Variants in SEMA3C observed in about 807,000 individuals in gnomAD.
SEMA3C encodes the protein semaphorin 3C.
SEMA3C carries 47 observed loss-of-function variants against 89.4 expected under a neutral mutation model. The observed-to-expected ratio is 0.53, with a 90% CI of 0.42 to 0.67. The LOEUF is 0.67. Ranked by LOEUF, SEMA3C falls within the 30% of genes least tolerant of loss-of-function variation. The pLI, the probability that SEMA3C is intolerant of heterozygous loss-of-function variation, is 0.00. For missense variants in SEMA3C, 839 were observed against 929.1 expected, an observed-to-expected ratio of 0.90 and a Z score of 1.26; for synonymous variants, 310 against 320.2, an observed-to-expected ratio of 0.97 and a Z score of 0.34.
chr7:80,782,429 G>T (rs899335289), intron 12 of SEMA3C, among the ~76,000 whole-genome samples: 4 of 152,084 alleles, frequency 2.6e-5, no homozygotes, highest in Non-Finnish European at 5.9e-5. Context: ...ACACATCAGG[G>T]ATATTATCAT....
chr7:80,755,052 G>A (rs955824387), intron 15 of SEMA3C, among the ~76,000 whole-genome samples: 1 of 148,428 alleles, frequency 6.7e-6, no homozygotes, highest in Admixed American at 6.9e-5. Flanking sequence ...TGCCTGCTTC[G>A]GCCTCCCAAA....
At chr7:80,779,679 G>C (rs1333292606) in intron 12 of SEMA3C, among the ~76,000 whole-genome samples, 2 of 152,076 alleles carry the variant, frequency 1.3e-5, no homozygotes, top group African/African-American at 2.4e-5. Flanking sequence ...ACACTCTTAG[G>C]TGACCCTTAA....
intron 4 of SEMA3C, among the ~76,000 whole-genome samples, chr7:80,822,450 T>G (rs777048225): frequency 6.7e-6 from 1 of 150,060 alleles, no homozygotes; most frequent in Non-Finnish European, 1.5e-5. Flanking sequence ...AACACAGACA[T>G]GAGAGTGCAG....
rs554975643 is a variant in SEMA3C at position 80,832,505 on chromosome 7, C to T, written c.104-3760G>A. Among the ~76,000 whole-genome samples, 10 of 152,210 alleles carry T rather than the reference C, an allele frequency of 6.6e-5. No individual in the cohort carries two copies. In the South Asian group the frequency reaches 2.1e-3, roughly 32 times the overall value. ...ACCATACTGGCCCCATTCTTCTAGC[C>T]AGTGAGTGTTTTAAATACGGCCATA... On this transcript the variant is annotated intron_variant, in intron 2 of 17. Coordinates refer to ENST00000265361, the MANE Select transcript of SEMA3C (RefSeq NM_006379.5).
chr7:80,814,039 T>C (rs965486284), intron 5 of SEMA3C, among the ~76,000 whole-genome samples: 2 of 151,896 alleles, frequency 1.3e-5, no homozygotes, highest in African/African-American at 4.8e-5. Context: ...AGAACCAACA[T>C]AGTCTTTTTT....
intron 2 of SEMA3C, among the ~76,000 whole-genome samples, chr7:80,867,719 T>TACACACACAC (rs10641992): frequency 0.031 from 4,701 of 149,772 alleles, 157 homozygotes; most frequent in Middle Eastern, 0.093. Context: ...GTATAAATCA[T>TACACACACAC]ACACACACAC....
At position 80,743,229 on chromosome 7, in the gene SEMA3C, G is replaced by T. The variant is rs2117015851; in HGVS notation, c.*1665C>A. 1 of 151,936 alleles carries T rather than the reference G, an allele frequency of 6.6e-6. No individual in the cohort carries two copies. The highest frequency in any genetic ancestry group is 1.5e-5 in the Non-Finnish European group (1 of 67,782). The allele number at this position is 151,936 out of a possible 1,614,324, so 9.4% of individuals were successfully genotyped here. A position where few individuals can be genotyped will look rare whatever the true frequency, so the allele number is the denominator to read the frequency against. On this transcript the variant is annotated 3_prime_UTR_variant, in exon 18 of 18. Coordinates refer to ENST00000265361, the MANE Select transcript of SEMA3C (RefSeq NM_006379.5). ...TGGAACAACAGATTTTTTAAAAAAT[G>T]AAGTTTGGTGTTATGTCAGCATTTT...
At chr7:80,866,852 AG>A (rs1375196050) in intron 2 of SEMA3C, among the ~76,000 whole-genome samples, 2 of 152,210 alleles carry the variant, frequency 1.3e-5, no homozygotes, top group African/African-American at 4.8e-5. Flanking sequence ...TTCCCATAAA[AG>A]GTAAGTTGTT....
At chr7:80,798,063 A>AT (rs1359145073) in intron 11 of SEMA3C, 29 bp downstream of exon 11, 1 of 1,581,042 alleles carries the variant, frequency 6.3e-7, no homozygotes, top group Non-Finnish European at 8.6e-7. Context: ...ATAAAGCATC[A>AT]TAACAAAGAA....
At chr7:80,798,012 A>G (rs1277940885) in intron 11 of SEMA3C, 80 bp downstream of exon 11, 1 of 1,447,308 alleles carries the variant, frequency 6.9e-7, no homozygotes, top group African/African-American at 1.5e-5. Context: ...AAAAACCCCA[A>G]AAAACCCCAC....
intron 9 of SEMA3C, among the ~76,000 whole-genome samples, chr7:80,802,014 A>G (rs1789221000): frequency 6.6e-6 from 1 of 152,170 alleles, no homozygotes; most frequent in South Asian, 2.1e-4. Flanking sequence ...TAATGAATTA[A>G]GGTGAAAGAA....
At chr7:80,870,467 C>T (rs1468252199) in intron 2 of SEMA3C, among the ~76,000 whole-genome samples, 1 of 152,216 alleles carries the variant, frequency 6.6e-6, no homozygotes, top group Non-Finnish European at 1.5e-5. Context: ...TAATTGGGGT[C>T]TCACTGCCAT....
chr7:80,823,774 T>A (rs1484011814), intron 4 of SEMA3C, among the ~76,000 whole-genome samples: 1 of 152,152 alleles, frequency 6.6e-6, no homozygotes, highest in Non-Finnish European at 1.5e-5. Context: ...TCTCCTATAG[T>A]ATTTACATAG....
At chr7:80,772,604 A>G (rs1368046622) in intron 12 of SEMA3C, among the ~76,000 whole-genome samples, 3 of 152,202 alleles carry the variant, frequency 2.0e-5, no homozygotes, top group Non-Finnish European at 4.4e-5. Flanking sequence ...TGTCTCAACA[A>G]AAGCCATCTA....
At chr7:80,758,630 T>C (rs1788119835) in intron 14 of SEMA3C, 142 bp from the exon 15 acceptor site, 1 of 785,654 alleles carries the variant, frequency 1.3e-6, no homozygotes, top group Admixed American at 2.6e-5. Context: ...CACAGAAGGG[T>C]ATGAAGCCAA....
At chr7:80,856,656 T>C (rs753642186) in intron 2 of SEMA3C, among the ~76,000 whole-genome samples, 2 of 150,222 alleles carry the variant, frequency 1.3e-5, no homozygotes, top group African/African-American at 2.5e-5. Flanking sequence ...TTTGCGAATA[T>C]AAACTCTTTT....
chr7:80,905,153 G>C (rs1307556498), intron 2 of SEMA3C, among the ~76,000 whole-genome samples: 1 of 149,164 alleles, frequency 6.7e-6, no homozygotes, highest in Admixed American at 6.7e-5. Flanking sequence ...TCATGCCTTT[G>C]CTGCAACCCT....
intron 2 of SEMA3C, among the ~76,000 whole-genome samples, chr7:80,896,099 T>C (rs565250476): frequency 2.6e-5 from 4 of 152,278 alleles, no homozygotes; most frequent in African/African-American, 9.6e-5. Flanking sequence ...ATGATATTAA[T>C]ATCTAATATT....
Position 80,847,740 on chromosome 7 carries a change from G to C in SEMA3C, c.104-18995C>G, listed in dbSNP as rs1790423404. ...GGCTGACTGTGGCAACTGGTGTTAAGAGCCACTGGGGCTACAAACAAGCAA... is the reference window on the plus strand; with the variant it reads ...GGCTGACTGTGGCAACTGGTGTTAACAGCCACTGGGGCTACAAACAAGCAA... On this transcript the variant is annotated intron_variant, in intron 2 of 17. Transcript: ENST00000265361. Among the ~76,000 whole-genome samples the C allele has an allele frequency of 1.3e-5, 2 of 152,126 alleles. 1 individual carries two copies. Among genetic ancestry groups the C allele is most frequent in the South Asian group, 4.1e-4 (2 of 4,830 alleles).
Sources: allele counts gnomAD v4.1 joint callset (sites outside exome capture counted in the v4.1 genomes callset), GRCh38; gene constraint gnomAD v4.1.1; transcripts MANE v1.5; gene names NCBI Gene and HGNC (gene_info 2026-07-23, HGNC 2026-07-21).